Variants in ABCA12 observed in about 807,000 individuals in gnomAD.
ABCA12 encodes glucosylceramide transporter ABCA12.
In ABCA12, 156 loss-of-function variants were observed where a neutral mutation model predicts 293.5. The observed-to-expected ratio is 0.53, with a 90% CI of 0.47 to 0.61. The LOEUF is 0.61. Ranked by LOEUF, ABCA12 falls within the 20% of genes least tolerant of loss-of-function variation. ABCA12 has a pLI of 0.00. For missense variants in ABCA12, 2,797 were observed against 3,090.2 expected, an observed-to-expected ratio of 0.91 and a Z score of 2.25; for synonymous variants, 1,063 against 1,108.0, an observed-to-expected ratio of 0.96 and a Z score of 0.81.
chr2:214,934,344 A>C (rs1049414632), intron 51 of ABCA12, 129 bp from the exon 52 acceptor site: 1 of 1,043,032 alleles, frequency 9.6e-7, no homozygotes, highest in Admixed American at 1.8e-5. Context: ...CTACAGTATA[A>C]ATAACGAGTA....
chr2:214,968,189 G>A (rs766580738), intron 38 of ABCA12, among the ~76,000 whole-genome samples: 8 of 152,016 alleles, frequency 5.3e-5, no homozygotes, highest in Non-Finnish European at 1.0e-4. Context: ...AATAAGAATT[G>A]CCAGCCTCCA....
chr2:215,021,889 A>C (rs1700638186), intron 11 of ABCA12: 2 of 152,176 alleles, frequency 1.3e-5, no homozygotes, highest in Non-Finnish European at 2.9e-5. Context: ...TGAACTATTC[A>C]AAAATAGGTT....
Position 214,948,595 on chromosome 2 carries a change from C to T in ABCA12, c.7104+1G>A. Reference sequence around the variant, plus strand: ...AAGTAATTTTTCACACTTGTACTCACTTCTTTAATATCCTTTTCTGGAATT... The same window carrying T: ...AAGTAATTTTTCACACTTGTACTCATTTCTTTAATATCCTTTTCTGGAATT... On this transcript the variant is annotated splice_donor_variant, in intron 47 of 52. Transcript: ENST00000272895. LOFTEE classifies it high-confidence loss of function. 6.2e-7 allele frequency: 1 copy of T among 1,613,858 alleles called. No individual in the cohort carries two copies. The highest frequency in any genetic ancestry group is 8.5e-7 in the Non-Finnish European group (1 of 1,179,856).
intron 37 of ABCA12, among the ~76,000 whole-genome samples, chr2:214,969,850 A>G: frequency 6.6e-6 from 1 of 152,052 alleles, no homozygotes; most frequent in East Asian, 1.9e-4. Context: ...GCTTAAGTAC[A>G]AGCACATTTC....
At chr2:214,937,441 G>C in intron 51 of ABCA12, 69 bp downstream of exon 51, 1 of 1,247,732 alleles carries the variant, frequency 8.0e-7, no homozygotes, top group Non-Finnish European at 1.2e-6. Context: ...TCAAGTGATT[G>C]CCCGCCTCGG....
chr2:215,061,076 T>C (rs1376890578), intron 3 of ABCA12, among the ~76,000 whole-genome samples: 1 of 152,066 alleles, frequency 6.6e-6, no homozygotes, highest in Admixed American at 6.6e-5. Context: ...GCTCCCACTG[T>C]GCTGATAGAT....
intron 2 of ABCA12, among the ~76,000 whole-genome samples, chr2:215,067,351 C>T (rs1348828974): frequency 6.6e-6 from 1 of 152,076 alleles, no homozygotes; most frequent in African/African-American, 2.4e-5. Flanking sequence ...AATTGAGTGT[C>T]TATGTTCCCA....
Position 215,019,625 on chromosome 2 carries a change from A to G in ABCA12, c.1459T>C (p.Leu487=). 1.2e-6 allele frequency: 2 copies of G among 1,614,200 alleles called. No individual in the cohort carries two copies. The highest frequency in any genetic ancestry group is 1.7e-6 in the Non-Finnish European group (2 of 1,180,040). ...AELGTEIAAS[L]LYHDNVISKK... ...GATATGACATTGTCATGGTACAGTA[A>G]GCTGGCTGCTATTTCGGTGCCCAGC... Residue 487 remains leucine, a synonymous_variant, in exon 12 of 53, where the codon TTA becomes CTA. Transcript: ENST00000272895.
At chr2:215,017,735 GGAAGCCAT>G in intron 14 of ABCA12, 1 of 396,288 alleles carries the variant, frequency 2.5e-6, no homozygotes, top group East Asian at 5.5e-5. Context: ...CATTGATTGA[GGAAGCCAT>G]CTGGGGGTAA....
chr2:214,978,199 T>C lies in ABCA12; in HGVS notation c.5128+117A>G, dbSNP rs180768889. ...AGGAGGCTTAAATTTCCTTAGTGTT[T>C]TTTGAATTTAGAATGAAACTTTAGA... On this transcript the variant is annotated intron_variant, in intron 33 of 52. Transcript: ENST00000272895. The C allele has an allele frequency of 1.6e-3, 1,937 of 1,239,018 alleles. 4 individuals carry two copies. The highest frequency in any genetic ancestry group is 2.0e-3 in the Non-Finnish European group (1,765 of 873,524). 76.8% of individuals were successfully genotyped at this position (1,239,018 alleles called of 1,614,324 possible). A position where few individuals can be genotyped will look rare whatever the true frequency, so the allele number is the denominator to read the frequency against.
chr2:215,069,661 A>G (rs897641992), intron 2 of ABCA12, among the ~76,000 whole-genome samples: 1 of 152,102 alleles, frequency 6.6e-6, no homozygotes, highest in Non-Finnish European at 1.5e-5. Context: ...CAGTCTACTT[A>G]CTGAGGGGAG....
At chr2:215,019,315 A>C in intron 13 of ABCA12, 21 bp downstream of exon 13, 1 of 1,586,504 alleles carries the variant, frequency 6.3e-7, no homozygotes, top group Non-Finnish European at 8.6e-7. Context: ...GACAAGATTT[A>C]AAATGTGGAT....
At chr2:215,082,662 G>A (rs1880132) in intron 2 of ABCA12, 149,333 of 152,238 alleles carry the variant, frequency 0.98, 73,287 homozygotes, top group East Asian at 1. Flanking sequence ...GTCATTAAGG[G>A]GGCTGATGCA....
At chr2:215,067,111 A>T (rs972730931) in intron 2 of ABCA12, among the ~76,000 whole-genome samples, 8 of 152,110 alleles carry the variant, frequency 5.3e-5, no homozygotes, top group African/African-American at 1.9e-4. Flanking sequence ...TCAGTTATGT[A>T]TACAAATAAA....
chr2:214,950,790 C>A, intron 45 of ABCA12, 89 bp downstream of exon 45: 1 of 1,404,536 alleles, frequency 7.1e-7, no homozygotes, highest in South Asian at 1.2e-5. Flanking sequence ...CAGGTGTGAG[C>A]CACTGTACCT....
At chr2:215,130,494 A>G (rs548364003) in intron 1 of ABCA12, among the ~76,000 whole-genome samples, 33 of 152,168 alleles carry the variant, frequency 2.2e-4, no homozygotes, top group African/African-American at 7.5e-4. Context: ...GGCTATTTTA[A>G]ATGGCCTTAA....
intron 41 of ABCA12, among the ~76,000 whole-genome samples, chr2:214,957,783 A>G (rs16853000): frequency 0.029 from 4,356 of 152,206 alleles, 204 homozygotes; most frequent in African/African-American, 0.098. Flanking sequence ...TCTTTTTCCT[A>G]CTAATCTTCT....
rs375130649 is a variant in ABCA12, at chr2:215,069,472, CG to C, written c.164-5254del. ...AAGCATATTTGTAATAATTTATTAACGTTTTTTTTTAAATCTTCTTGTAGTT... is the reference window on the plus strand; with the variant it reads ...AAGCATATTTGTAATAATTTATTAACTTTTTTTTTAAATCTTCTTGTAGTT... On this transcript the variant is annotated intron_variant, in intron 2 of 52. Coordinates refer to ENST00000272895, the MANE Select transcript of ABCA12 (RefSeq NM_173076.3). 3.0e-3 allele frequency among the ~76,000 whole-genome samples: 456 copies of C among 151,934 alleles called. 8 individuals carry two copies. Among genetic ancestry groups the C allele is most frequent in the African/African-American group, 9.7e-3 (400 of 41,416 alleles).
Position 214,951,205 on chromosome 2 carries a change from A to G in ABCA12, c.6648-122T>C, listed in dbSNP as rs941925556. The G allele has an allele frequency of 2.3e-5, 20 of 863,432 alleles. No homozygotes were observed. The African/African-American group carries it at 3.4e-4, about 15-fold the overall frequency. The allele number at this position is 863,432 out of a possible 1,614,324, so 53.5% of individuals were successfully genotyped here. A position where few individuals can be genotyped will look rare whatever the true frequency, so the allele number is the denominator to read the frequency against. Reference sequence around the variant, plus strand: ...CTAGTCATCATTAGACTTCTTTTACATTTGTAATGAATTATGCTACTCAGA... The same window carrying G: ...CTAGTCATCATTAGACTTCTTTTACGTTTGTAATGAATTATGCTACTCAGA... On this transcript the variant is annotated intron_variant, in intron 44 of 52. Transcript: ENST00000272895.
Sources: allele counts gnomAD v4.1 joint callset (sites outside exome capture counted in the v4.1 genomes callset), GRCh38; gene constraint gnomAD v4.1.1; transcripts MANE v1.5; gene names NCBI Gene and HGNC (gene_info 2026-07-23, HGNC 2026-07-21).